Variants in TASP1 observed in about 807,000 individuals in gnomAD.
TASP1 encodes taspase 1, also known as threonine aspartase 1.
In TASP1, 16 loss-of-function variants were observed where a neutral mutation model predicts 56.6. That is an observed-to-expected ratio of 0.28 (90% CI 0.19 to 0.43). TASP1 has a LOEUF of 0.43. TASP1 is among the 20% of genes least tolerant of loss of function. TASP1 has a pLI of 1.00. For missense variants in TASP1, 393 were observed against 511.6 expected (o/e 0.77, Z 2.24); for synonymous variants, 179 against 184.2 (o/e 0.97, Z 0.23).
At chr20:13,177,563 C>T in the TASP1 span, among the ~76,000 whole-genome samples, 1 of 152,088 alleles carries the variant, frequency 6.6e-6, no homozygotes, top group Non-Finnish European at 1.5e-5. Context: ...TAAAAACAGA[C>T]ACATAGACCA....
the TASP1 span, among the ~76,000 whole-genome samples, chr20:13,127,953 G>T: frequency 1.3e-5 from 2 of 152,172 alleles, no homozygotes; most frequent in Admixed American, 6.5e-5. Context: ...GCCTGAATCT[G>T]CTCCTGTGAT....
chr20:13,213,146 CT>C, the TASP1 span, among the ~76,000 whole-genome samples: 1 of 151,896 alleles, frequency 6.6e-6, no homozygotes, highest in African/African-American at 2.4e-5. Flanking sequence ...ATAATCTGAA[CT>C]GAAGTTGTTG....
At chr20:13,279,844 G>C in the TASP1 span, 24 of 1,613,720 alleles carry the variant, frequency 1.5e-5, no homozygotes, top group Non-Finnish European at 2.5e-6. Flanking sequence ...CAGGGGGTGG[G>C]ACCATACAGC....
At chr20:13,516,809 T>C (rs533486459) in intron 10 of TASP1, among the ~76,000 whole-genome samples, 1 of 152,160 alleles carries the variant, frequency 6.6e-6, no homozygotes, top group South Asian at 2.1e-4. Flanking sequence ...ATCTTGGGGA[T>C]CACTTTATCC....
the TASP1 span, among the ~76,000 whole-genome samples, chr20:13,313,038 G>A: frequency 2.6e-5 from 4 of 152,032 alleles, no homozygotes; most frequent in Non-Finnish European, 4.4e-5. Context: ...GGTCCCCCTC[G>A]AGCTAAAAGG....
At chr20:13,634,380 A>T (rs2147621585) in intron 1 of TASP1, among the ~76,000 whole-genome samples, 1 of 152,268 alleles carries the variant, frequency 6.6e-6, no homozygotes, top group African/African-American at 2.4e-5. Context: ...GGAGGGATGG[A>T]AGGTAGGGTG....
chr20:13,535,262 A>T (rs996288824), intron 8 of TASP1, among the ~76,000 whole-genome samples: 2 of 152,204 alleles, frequency 1.3e-5, no homozygotes, highest in Non-Finnish European at 2.9e-5. Context: ...GAAGTTTAGC[A>T]ACATTGAAGA....
the TASP1 span, among the ~76,000 whole-genome samples, chr20:13,375,158 T>C: frequency 6.6e-6 from 1 of 152,122 alleles, no homozygotes; most frequent in Non-Finnish European, 1.5e-5. Context: ...TAGGTATATA[T>C]GTGCCATGGT....
At chr20:13,150,585 G>A in the TASP1 span, among the ~76,000 whole-genome samples, 6 of 152,128 alleles carry the variant, frequency 3.9e-5, no homozygotes, top group Middle Eastern at 3.2e-3. Context: ...TTCTATGTCC[G>A]GCTTTGTTTT....
At chr20:13,455,694 G>A (rs2043806630) in intron 11 of TASP1, among the ~76,000 whole-genome samples, 1 of 152,112 alleles carries the variant, frequency 6.6e-6, no homozygotes. Flanking sequence ...AAAAAAATGT[G>A]TCTTGTTCAT....
At chr20:13,174,263 G>C in the TASP1 span, among the ~76,000 whole-genome samples, 3 of 152,150 alleles carry the variant, frequency 2.0e-5, no homozygotes, top group Admixed American at 2.0e-4. Context: ...TGAAGTTCAT[G>C]ATTAAATAGA....
the TASP1 span, among the ~76,000 whole-genome samples, chr20:13,221,255 C>G: frequency 7.6e-6 from 1 of 131,144 alleles, no homozygotes; most frequent in East Asian, 2.4e-4. Flanking sequence ...TCCTCCTCCT[C>G]CTCCTCCTTC....
chr20:13,588,317 A>AAAGGAAGG (rs147823593), intron 4 of TASP1, among the ~76,000 whole-genome samples: 1,678 of 113,634 alleles, frequency 0.015, 65 homozygotes, highest in African/African-American at 0.044. Flanking sequence ...AAGAGAAAGA[A>AAAGGAAGG]AAGGAAGGAA....
intron 7 of TASP1, among the ~76,000 whole-genome samples, chr20:13,561,794 ATT>A (rs2046352544): frequency 6.6e-6 from 1 of 152,164 alleles, no homozygotes; most frequent in Non-Finnish European, 1.5e-5. Context: ...CAGAATTTTT[ATT>A]TGTTATTGAA....
chr20:13,381,933 T>C, the TASP1 span, among the ~76,000 whole-genome samples: 4 of 152,218 alleles, frequency 2.6e-5, no homozygotes, highest in Non-Finnish European at 5.9e-5. Flanking sequence ...TCTCTGTCTA[T>C]GAATAAGTGA....
chr20:13,146,471 G>A, the TASP1 span, among the ~76,000 whole-genome samples: 1 of 152,020 alleles, frequency 6.6e-6, no homozygotes. Context: ...GTTCCCAGAA[G>A]GCCCTCAGCT....
the TASP1 span, among the ~76,000 whole-genome samples, chr20:13,189,172 G>A: frequency 2.6e-5 from 4 of 152,130 alleles, no homozygotes; most frequent in African/African-American, 9.7e-5. Flanking sequence ...TAATTTGGCT[G>A]AAGTTTTTCT....
chr20:13,535,530 A>G (rs944705957), intron 8 of TASP1, among the ~76,000 whole-genome samples: 1 of 152,140 alleles, frequency 6.6e-6, no homozygotes, highest in African/African-American at 2.4e-5. Flanking sequence ...TCTTTTAACC[A>G]CAGCTAGGGA....
At chr20:13,542,085 T>C (rs991069485) in intron 8 of TASP1, among the ~76,000 whole-genome samples, 2 of 151,900 alleles carry the variant, frequency 1.3e-5, no homozygotes, top group South Asian at 2.1e-4. Context: ...TAATGTCTTA[T>C]TGAATGTCAT....
Sources: gnomAD v4.1 joint callset for allele counts (sites outside exome capture counted in the v4.1 genomes callset) on GRCh38, gnomAD v4.1.1 for gene constraint, MANE v1.5 for transcripts, NCBI Gene and HGNC (gene_info 2026-07-23, HGNC 2026-07-21) for gene names.